The following DDB1 variants were observed in gnomAD, a reference collection of about 807,000 sequenced individuals.
The protein encoded by DDB1 is damage specific DNA binding protein 1, also known as DNA damage-binding protein 1.
A neutral mutation model predicts 133.1 loss-of-function variants in DDB1; 18 were observed. The observed-to-expected ratio is 0.14, with a 90% CI of 0.09 to 0.20. The LOEUF (loss-of-function observed/expected upper bound fraction) is 0.20, where lower values mean the gene tolerates loss of function less well. DDB1 is among the 10% of genes least tolerant of loss of function. The pLI is 1.00. For missense variants in DDB1, 828 were observed against 1,459.2 expected, an observed-to-expected ratio of 0.57 and a Z score of 7.05; for synonymous variants, 580 against 550.5, an observed-to-expected ratio of 1.05 and a Z score of -0.75.
chr11:61,329,191 C>T (rs1856320788), intron 4 of DDB1, 172 bp downstream of exon 4: 3 of 620,960 alleles, frequency 4.8e-6, no homozygotes, highest in Non-Finnish European at 2.9e-6. Flanking sequence ...TACTACTGCA[C>T]TCAAGAAGCA....
At chr11:61,304,106 G>C (rs28720345) in intron 21 of DDB1, 71 bp from the exon 22 acceptor site, 6 of 1,563,566 alleles carry the variant, frequency 3.8e-6, no homozygotes, top group Non-Finnish European at 8.8e-7. Context: ...CCAACTCTTC[G>C]ACCCTTCATC....
At chr11:61,330,328 T>A in intron 2 of DDB1, 1 of 312,090 alleles carries the variant, frequency 3.2e-6, no homozygotes, top group South Asian at 1.3e-4. Context: ...ACAAACAAAG[T>A]CTTCATCTAT....
At chr11:61,321,732 T>C (rs1431762118) in intron 9 of DDB1, 35 bp from the exon 10 acceptor site, 3 of 1,582,796 alleles carry the variant, frequency 1.9e-6, no homozygotes, top group Non-Finnish European at 2.6e-6. Context: ...AAGAACCCCC[T>C]CAAGATACTG....
intron 20 of DDB1, among the ~76,000 whole-genome samples, chr11:61,309,566 T>C (rs1855928498): frequency 2.6e-5 from 4 of 152,094 alleles, no homozygotes; most frequent in Admixed American, 2.0e-4. Flanking sequence ...CCCCTCCCTT[T>C]TGTTCTTTTG....
Position 61,332,828 on chromosome 11 carries a change from C to T in DDB1, c.61+80G>A, listed in dbSNP as rs771697574. 1.8e-5 allele frequency: 24 copies of T among 1,298,080 alleles called. 1 individual carries two copies. Among genetic ancestry groups the T allele is most frequent in the Non-Finnish European group, 2.2e-5 (22 of 997,392 alleles). The allele number at this position is 1,298,080 out of a possible 1,614,324, so 80.4% of individuals were successfully genotyped here. ...CCGGGCCCACTCCTGCCCGGCCGCC[C>T]CCGGGGCGGCGGGCCTCCCTAGGCC... On this transcript the variant is annotated intron_variant, in intron 1 of 26. Coordinates refer to ENST00000301764, the MANE Select transcript of DDB1 (RefSeq NM_001923.5).
chr11:61,302,565 C>T lies in DDB1; in HGVS notation c.3112+17G>A. On this transcript the variant is annotated intron_variant, in intron 24 of 26. Transcript: ENST00000301764. The stretch of plus-strand genomic sequence containing the variant: ...AGGAGGCCTGTGTGGGGGTGTGCCC[C>T]ACAGGGGTGACCTTACCTATCATGC... 1 of 1,613,952 alleles carries T rather than the reference C, an allele frequency of 6.2e-7. No individual in the cohort carries two copies. The highest frequency in any genetic ancestry group is 1.3e-5 in the African/African-American group (1 of 75,054).
At chr11:61,307,879 T>C (rs964271630) in intron 21 of DDB1, among the ~76,000 whole-genome samples, 2 of 152,118 alleles carry the variant, frequency 1.3e-5, no homozygotes, top group Non-Finnish European at 2.9e-5. Context: ...CCTTCAATCC[T>C]ACCCTCATAA....
At chr11:61,310,131 C>A (rs1195911962) in intron 19 of DDB1, among the ~76,000 whole-genome samples, 164 bp downstream of exon 19, 2 of 152,166 alleles carry the variant, frequency 1.3e-5, no homozygotes, top group African/African-American at 2.4e-5. Context: ...GGAGAGGATG[C>A]CCAGCCCTCC....
chr11:61,324,249 T>A (rs1856233549), intron 6 of DDB1, 112 bp from the exon 7 acceptor site: 1 of 1,139,430 alleles, frequency 8.8e-7, no homozygotes, highest in East Asian at 2.4e-5. Context: ...AGCAGACAAA[T>A]CGCTCAGATA....
At chr11:61,301,054 T>TTCTAA in intron 25 of DDB1, 122 bp from the exon 26 acceptor site, 1 of 1,407,736 alleles carries the variant, frequency 7.1e-7, no homozygotes, top group Non-Finnish European at 9.6e-7. Context: ...GACACTTCCT[T>TTCTAA]TCGCCTTGCT....
chr11:61,326,695 G>A (rs987625089), intron 5 of DDB1, 84 bp downstream of exon 5: 21 of 1,056,776 alleles, frequency 2.0e-5, no homozygotes, highest in Non-Finnish European at 3.1e-5. Flanking sequence ...CCAAAACGAA[G>A]GGCAGAGAAG....
In DDB1 at chr11:61,316,318, G is replaced by A; in HGVS notation, c.1377C>T (p.Phe459=). The A allele has an allele frequency of 6.2e-7, 1 of 1,614,202 alleles. No homozygotes were observed. Among genetic ancestry groups the A allele is most frequent in the East Asian group, 2.2e-5 (1 of 44,888 alleles). ...GCTGCTGATGAGCCACGTTGCCACA[G>A]AAGAAAGTCTGCTGATCATCCACGA... is the stretch of plus-strand genomic sequence containing the variant. ...MGFVDDQQTF[F]CGNVAHQQLI... is the part of the protein sequence containing the mutation. Residue 459 remains phenylalanine (F), a synonymous_variant, in exon 12 of 27, where the codon TTC becomes TTT. Transcript: ENST00000301764.
chr11:61,310,583 G>A, intron 18 of DDB1, 165 bp from the exon 19 acceptor site: 1 of 688,918 alleles, frequency 1.5e-6, no homozygotes, highest in Admixed American at 3.5e-5. Context: ...GAGGAGGCAT[G>A]TAGTTGAAAC....
At chr11:61,328,820 A>C (rs952576954) in intron 4 of DDB1, among the ~76,000 whole-genome samples, 1 of 152,176 alleles carries the variant, frequency 6.6e-6, no homozygotes, top group Non-Finnish European at 1.5e-5. Flanking sequence ...CAGTGAGCCA[A>C]GATCAGGCCA....
At chr11:61,314,630 A>T in intron 12 of DDB1, 144 bp from the exon 13 acceptor site, 2 of 815,804 alleles carry the variant, frequency 2.5e-6, no homozygotes, top group Non-Finnish European at 3.7e-6. Flanking sequence ...AGTCCTGCTA[A>T]TGATTACAAT....
Position 61,314,403 on chromosome 11 carries a change from G to T in DDB1, c.1494C>A (p.Ile498=). ...GGCTGCTATTGCAGGAGGCCACACT[G>T]ATGTTCTTGGCCTGAGGCTCCTTCC... The part of the protein sequence containing the change: ...SEWKEPQAKN[I]SVASCNSSQV... Residue 498 remains isoleucine, a synonymous_variant, in exon 13 of 27, where the codon ATC becomes ATA. Coordinates refer to ENST00000301764, the MANE Select transcript of DDB1 (RefSeq NM_001923.5). The T allele has an allele frequency of 6.2e-7, 1 of 1,614,270 alleles. No homozygotes were observed. The highest frequency in any genetic ancestry group is 8.5e-7 in the Non-Finnish European group (1 of 1,180,044).
Position 61,306,913 on chromosome 11 carries a change from C to T in DDB1, c.2661+2070G>A, listed in dbSNP as rs181932095. Among the ~76,000 whole-genome samples, 11 of 152,194 alleles carry T rather than the reference C, an allele frequency of 7.2e-5. 1 individual carries two copies. The highest frequency in any genetic ancestry group is 2.4e-4 in the African/African-American group (10 of 41,518). On this transcript the variant is annotated intron_variant, in intron 21 of 26. Transcript: ENST00000301764. ...TCAGAAATAATGCATTTTCCTACTC[C>T]TCTCACTCTTCTGGTCCTAAAACAA...
chr11:61,327,752 G>A (rs887561325), intron 4 of DDB1, among the ~76,000 whole-genome samples: 5 of 152,114 alleles, frequency 3.3e-5, no homozygotes, highest in Non-Finnish European at 7.3e-5. Context: ...TAAAAAGCAG[G>A]GACCAGAAGA....
chr11:61,304,404 G>A (rs1855850485), intron 21 of DDB1, among the ~76,000 whole-genome samples: 1 of 152,052 alleles, frequency 6.6e-6, no homozygotes, highest in African/African-American at 2.4e-5. Context: ...AGAGGTTGCA[G>A]TGAGCTGAGC....
Sources: allele counts gnomAD v4.1 joint callset (sites outside exome capture counted in the v4.1 genomes callset), GRCh38; gene constraint gnomAD v4.1.1; transcripts MANE v1.5; gene names NCBI Gene and HGNC (gene_info 2026-07-23, HGNC 2026-07-21).